TBC1D5: variants seen among roughly 807,000 people sequenced by gnomAD.
The protein encoded by TBC1D5 is TBC1 domain family member 5, also known as TBC1 domain family, member 5.
TBC1D5 carries 75 observed loss-of-function variants against 100.3 expected under a neutral mutation model. That is an observed-to-expected ratio of 0.75 (90% CI 0.62 to 0.91). The LOEUF (loss-of-function observed/expected upper bound fraction) is 0.91. TBC1D5 is among the 40% of genes least tolerant of loss of function. The pLI is 0.00. For synonymous variants in TBC1D5, 323 were observed against 325.6 expected, an observed-to-expected ratio of 0.99 and a Z score of 0.09; for missense variants, 910 against 942.4, an observed-to-expected ratio of 0.97 and a Z score of 0.45.
At chr3:17,502,275 A>T (rs986083411) in intron 3 of TBC1D5, among the ~76,000 whole-genome samples, 1 of 149,804 alleles carries the variant, frequency 6.7e-6, no homozygotes, top group Non-Finnish European at 1.5e-5. Flanking sequence ...GATTCTTCAG[A>T]TTACAAAAAG....
At chr3:17,737,757 CA>C (rs1425368755) in intron 1 of TBC1D5, among the ~76,000 whole-genome samples, 2 of 147,134 alleles carry the variant, frequency 1.4e-5, no homozygotes, top group South Asian at 4.3e-4. Context: ...CTTGTCTTAA[CA>C]AAAAAACTAT....
At chr3:17,737,165 C>G (rs1402119306) in intron 1 of TBC1D5, among the ~76,000 whole-genome samples, 1 of 152,108 alleles carries the variant, frequency 6.6e-6, no homozygotes, top group African/African-American at 2.4e-5. Context: ...AGGTGGGAGC[C>G]GTTTTTCTCT....
chr3:17,322,674 T>G (rs1480257026), intron 13 of TBC1D5, among the ~76,000 whole-genome samples: 1 of 152,318 alleles, frequency 6.6e-6, no homozygotes, highest in East Asian at 1.9e-4. Context: ...GAGGAAGCTA[T>G]GCAGAGAATA....
intron 1 of TBC1D5, among the ~76,000 whole-genome samples, chr3:17,664,004 C>T (rs2066953083): frequency 1.3e-5 from 2 of 152,128 alleles, no homozygotes; most frequent in African/African-American, 2.4e-5. Flanking sequence ...CAACATCTTT[C>T]GAATAAATGG....
chr3:17,409,691 T>C (rs1157228981), intron 4 of TBC1D5, among the ~76,000 whole-genome samples: 1 of 152,104 alleles, frequency 6.6e-6, no homozygotes, highest in East Asian at 1.9e-4. Context: ...AAAGTTTGAA[T>C]GGTCTGGATA....
chr3:17,726,697 C>T (rs1337546510), intron 1 of TBC1D5, among the ~76,000 whole-genome samples: 2 of 152,166 alleles, frequency 1.3e-5, no homozygotes, highest in South Asian at 2.1e-4. Context: ...TCTTTTGCTG[C>T]TACGCATGTT....
intron 2 of TBC1D5, among the ~76,000 whole-genome samples, chr3:17,604,404 T>C (rs1218526626): frequency 1.3e-5 from 2 of 152,226 alleles, no homozygotes; most frequent in Non-Finnish European, 2.9e-5. Context: ...AGAAAAATGT[T>C]ATCAGAAAAC....
At chr3:17,188,856 T>C (rs568243170) in intron 18 of TBC1D5, among the ~76,000 whole-genome samples, 73 of 152,378 alleles carry the variant, frequency 4.8e-4, no homozygotes, top group African/African-American at 1.6e-3. Flanking sequence ...GCTTGGCTAA[T>C]TGCCTTGAGG....
chr3:17,546,795 A>AAAAAAG (rs1553837209), intron 2 of TBC1D5, among the ~76,000 whole-genome samples: 2 of 151,884 alleles, frequency 1.3e-5, no homozygotes, highest in South Asian at 2.1e-4. Context: ...AAAAAAAAAA[A>AAAAAAG]AAAGAAAGAA....
intron 8 of TBC1D5, among the ~76,000 whole-genome samples, chr3:17,384,664 G>A (rs2093080669): frequency 6.6e-6 from 1 of 151,832 alleles, no homozygotes; most frequent in South Asian, 2.1e-4. Flanking sequence ...AGGAGAGGAG[G>A]AACATGGAAC....
intron 3 of TBC1D5, among the ~76,000 whole-genome samples, chr3:17,477,606 C>T (rs1051536511): frequency 6.6e-6 from 1 of 151,860 alleles, no homozygotes; most frequent in South Asian, 2.1e-4. Context: ...ATTGTATGTC[C>T]GTTATAAAAA....
chr3:17,635,908 T>G (rs1208919819), intron 1 of TBC1D5, among the ~76,000 whole-genome samples: 1 of 151,956 alleles, frequency 6.6e-6, no homozygotes, highest in African/African-American at 2.4e-5. Context: ...AAAAGAATGT[T>G]TTGGCCGGAC....
intron 2 of TBC1D5, among the ~76,000 whole-genome samples, chr3:17,600,487 A>G (rs2060859709): frequency 6.6e-6 from 1 of 152,222 alleles, no homozygotes; most frequent in Admixed American, 6.5e-5. Context: ...AAACACCTTT[A>G]AAATATTTAA....
At chr3:17,666,883 T>C (rs932866747) in intron 1 of TBC1D5, among the ~76,000 whole-genome samples, 1 of 152,180 alleles carries the variant, frequency 6.6e-6, no homozygotes, top group Non-Finnish European at 1.5e-5. Flanking sequence ...AGTAACATTA[T>C]AACAATTACT....
At chr3:17,442,595 C>A (rs1190686935) in intron 3 of TBC1D5, among the ~76,000 whole-genome samples, 1 of 152,162 alleles carries the variant, frequency 6.6e-6, no homozygotes, top group Non-Finnish European at 1.5e-5. Flanking sequence ...AGACACAAAT[C>A]CTGAGCTCAC....
chr3:17,174,046 T>C (rs1219615458), intron 19 of TBC1D5, among the ~76,000 whole-genome samples: 2 of 152,118 alleles, frequency 1.3e-5, no homozygotes, highest in Non-Finnish European at 1.5e-5. Flanking sequence ...GCAAATCCAT[T>C]CCCCCTTCTA....
At chr3:17,582,183 T>C (rs1393596225) in intron 2 of TBC1D5, among the ~76,000 whole-genome samples, 1 of 152,220 alleles carries the variant, frequency 6.6e-6, no homozygotes, top group Non-Finnish European at 1.5e-5. Flanking sequence ...TTAATCAAGT[T>C]AAGGATTTGT....
chr3:17,500,376 AC>A (rs760586807), intron 3 of TBC1D5, among the ~76,000 whole-genome samples: 8 of 149,660 alleles, frequency 5.3e-5, no homozygotes, highest in Non-Finnish European at 1.0e-4. Context: ...AATACAAAAA[AC>A]AATCACCTAA....
At chr3:17,714,042 G>A (rs1235497809) in intron 1 of TBC1D5, among the ~76,000 whole-genome samples, 1 of 152,138 alleles carries the variant, frequency 6.6e-6, no homozygotes, top group Non-Finnish European at 1.5e-5. Context: ...TCTCTTCCCT[G>A]GTACAAATGG....
Sources: gnomAD v4.1 joint callset for allele counts (sites outside exome capture counted in the v4.1 genomes callset) on GRCh38, gnomAD v4.1.1 for gene constraint, MANE v1.5 for transcripts, NCBI Gene and HGNC (gene_info 2026-07-23, HGNC 2026-07-21) for gene names.